The following ZFAT variants were observed in gnomAD, a reference collection of about 807,000 sequenced individuals.
ZFAT encodes zinc finger protein ZFAT.
A neutral mutation model predicts 117.7 loss-of-function variants in ZFAT; 64 were observed. That is an observed-to-expected ratio of 0.54 (90% CI 0.44 to 0.67). The LOEUF (loss-of-function observed/expected upper bound fraction) is 0.67. Among genes scored for constraint, ZFAT ranks in the 30% least tolerant of loss-of-function variants. ZFAT has a pLI of 0.00. For missense variants in ZFAT, 1,433 were observed against 1,584.5 expected (o/e 0.90, Z 1.62); for synonymous variants, 679 against 615.0 (o/e 1.10, Z -1.54).
At chr8:134,494,408 T>C (rs1818279129) in intron 15 of ZFAT, among the ~76,000 whole-genome samples, 1 of 152,144 alleles carries the variant, frequency 6.6e-6, no homozygotes, top group South Asian at 2.1e-4. Flanking sequence ...ACAGGATCGA[T>C]CCGCTGCCCT....
rs555574590 is a variant in ZFAT, at chr8:134,509,664, G to A, written c.3447C>T (p.Ala1149=). ...GAETHDATAL[A]SVVAMAPGTV... ...TCCCTGGTGCCATGGCAACCACCGA[G>A]GCAAGGGCAGTGGCGTCATGGGTCT... is the stretch of plus-strand genomic sequence containing the variant. The change falls in exon 15 of 16, where the codon GCC becomes GCT. Residue 1149 remains alanine, a synonymous_variant. Transcript: ENST00000377838. 140 of 1,613,484 alleles carry A rather than the reference G, an allele frequency of 8.7e-5. 2 individuals carry two copies. In the South Asian group the frequency reaches 1.3e-3, roughly 15 times the overall value.
At chr8:134,785,509 C>T in the ZFAT span, 4 of 151,926 alleles carry the variant, frequency 2.6e-5, no homozygotes, top group Admixed American at 6.6e-5. Flanking sequence ...CTCCCCCCTC[C>T]GCCACATTTA....
At chr8:134,525,240 G>T (rs2130504803) in intron 12 of ZFAT, among the ~76,000 whole-genome samples, 2 of 152,272 alleles carry the variant, frequency 1.3e-5, no homozygotes, top group African/African-American at 2.4e-5. Flanking sequence ...TCCTCTGTGT[G>T]GAGTCCTAAA....
intron 7 of ZFAT, among the ~76,000 whole-genome samples, chr8:134,596,885 G>A (rs571882651): frequency 3.4e-4 from 51 of 152,160 alleles, no homozygotes; most frequent in African/African-American, 1.2e-3. Flanking sequence ...GGCTCAGGGA[G>A]GGGAACGAGG....
the ZFAT span, among the ~76,000 whole-genome samples, chr8:134,759,987 A>AC: frequency 1.3e-4 from 20 of 148,462 alleles, no homozygotes; most frequent in Non-Finnish European, 2.5e-4. Context: ...AAAAAAAAAA[A>AC]AAACAAACAG....
intron 3 of ZFAT, among the ~76,000 whole-genome samples, chr8:134,616,271 A>G (rs1404244888): frequency 6.6e-6 from 1 of 152,214 alleles, no homozygotes; most frequent in Non-Finnish European, 1.5e-5. Context: ...GTGGAAAGCA[A>G]GGAGGGTACA....
chr8:134,717,486 TTTTTTTTTTTTTTTTG>T, upstream of ZFAT, among the ~76,000 whole-genome samples: 2 of 91,584 alleles, frequency 2.2e-5, no homozygotes, highest in Admixed American at 1.1e-4. Flanking sequence ...TTTTTTTTTT[TTTTTTTTTTTTTTTTG>T]AGACGGAGTC....
At position 134,638,549 on chromosome 8, in the gene ZFAT, C is replaced by CAAAAAA. The variant is rs758050176; in HGVS notation, c.197-843_197-838dup. ...TGAAACTCTGTCTCTACTAAAAATA[C>CAAAAAA]AAAAAAAAAACAAAACAAAAAAAAA... On this transcript the variant is annotated intron_variant, in intron 2 of 15. Transcript: ENST00000377838. Among the ~76,000 whole-genome samples, 110 of 101,096 alleles carry CAAAAAA rather than the reference C, an allele frequency of 1.1e-3. 8 individuals are homozygous for CAAAAAA. Among genetic ancestry groups the CAAAAAA allele is most frequent in the Middle Eastern group, 5.4e-3 (1 of 184 alleles). The allele number at this position is 101,096 out of a possible 152,430, so 66.3% of individuals were successfully genotyped here. A position where few individuals can be genotyped will look rare whatever the true frequency, so the allele number is the denominator to read the frequency against.
At chr8:134,644,550 GCA>G (rs958328054) in intron 2 of ZFAT, among the ~76,000 whole-genome samples, 10 of 150,970 alleles carry the variant, frequency 6.6e-5, no homozygotes, top group Non-Finnish European at 3.0e-5. Flanking sequence ...ACACACACAT[GCA>G]CACTCACACA....
the ZFAT span, among the ~76,000 whole-genome samples, chr8:134,743,950 G>T: frequency 6.6e-6 from 1 of 152,166 alleles, no homozygotes; most frequent in Non-Finnish European, 1.5e-5. Flanking sequence ...ATCACGAGAG[G>T]GTGACAAGGA....
chr8:134,777,642 T>C, the ZFAT span, among the ~76,000 whole-genome samples: 1 of 152,246 alleles, frequency 6.6e-6, no homozygotes, highest in Admixed American at 6.5e-5. Context: ...CTGCCTCATA[T>C]AGGGGAATTG....
the ZFAT span, among the ~76,000 whole-genome samples, chr8:134,722,446 G>C: frequency 6.6e-6 from 1 of 152,328 alleles, no homozygotes; most frequent in South Asian, 2.1e-4. Flanking sequence ...GACAAAAGAG[G>C]ACTGTGTACA....
intron 11 of ZFAT, among the ~76,000 whole-genome samples, chr8:134,560,265 T>C (rs1669527490): frequency 6.6e-6 from 1 of 152,176 alleles, no homozygotes; most frequent in East Asian, 1.9e-4. Flanking sequence ...TCTCTATCAC[T>C]GACACCACCC....
At chr8:134,784,161 G>A in the ZFAT span, 2 of 152,192 alleles carry the variant, frequency 1.3e-5, no homozygotes, top group African/African-American at 4.8e-5. Flanking sequence ...GAAAGGTGCA[G>A]GTTTCAACAC....
the ZFAT span, among the ~76,000 whole-genome samples, chr8:134,737,854 T>G: frequency 7.2e-5 from 11 of 152,072 alleles, no homozygotes; most frequent in Non-Finnish European, 1.6e-4. Flanking sequence ...GATTGGTGGG[T>G]TTTTCAATCC....
At chr8:134,810,348 T>C in the ZFAT span, among the ~76,000 whole-genome samples, 1 of 152,226 alleles carries the variant, frequency 6.6e-6, no homozygotes, top group Non-Finnish European at 1.5e-5. Flanking sequence ...AGAGAATATG[T>C]GTATAATGTC....
chr8:134,512,956 C>T (rs1819966611), intron 13 of ZFAT, among the ~76,000 whole-genome samples: 1 of 152,194 alleles, frequency 6.6e-6, no homozygotes, highest in Admixed American at 6.5e-5. Context: ...CTGCTACCAA[C>T]ATCACTTCTA....
At chr8:134,655,572 C>T (rs1831548715) in intron 2 of ZFAT, among the ~76,000 whole-genome samples, 1 of 150,876 alleles carries the variant, frequency 6.6e-6, no homozygotes, top group South Asian at 2.1e-4. Flanking sequence ...CGCTTGAGCC[C>T]AAAAGGTGGA....
chr8:134,772,732 C>T, the ZFAT span, among the ~76,000 whole-genome samples: 13 of 152,226 alleles, frequency 8.5e-5, no homozygotes, highest in East Asian at 2.5e-3. Flanking sequence ...CTATCTGGAA[C>T]TTTAATAATG....
Sources: allele counts gnomAD v4.1 joint callset (sites outside exome capture counted in the v4.1 genomes callset), GRCh38; gene constraint gnomAD v4.1.1; transcripts MANE v1.5; gene names NCBI Gene and HGNC (gene_info 2026-07-23, HGNC 2026-07-21).